SGMS1: variants seen among roughly 807,000 people sequenced by gnomAD.
The protein encoded by SGMS1 is sphingomyelin synthase 1, also known as phosphatidylcholine:ceramide cholinephosphotransferase 1.
Under a neutral mutation model 46.2 loss-of-function variants are expected in SGMS1, and 13 were observed. The ratio of observed to expected loss-of-function variants is 0.28; its 90% CI spans 0.18 to 0.45. The LOEUF (loss-of-function observed/expected upper bound fraction) is 0.45. Ranked by LOEUF, SGMS1 falls within the 20% of genes least tolerant of loss-of-function variation. The probability of loss-of-function intolerance (pLI) is 1.00; values close to 1 mark genes in which losing one functional copy is unlikely to be tolerated. For synonymous variants in SGMS1, 203 were observed against 187.8 expected (o/e 1.08, Z -0.66); for missense variants, 324 against 519.9 (o/e 0.62, Z 3.66).
At chr10:50,315,289 T>C (rs1847322196) in intron 8 of SGMS1, among the ~76,000 whole-genome samples, 1 of 152,194 alleles carries the variant, frequency 6.6e-6, no homozygotes, top group South Asian at 2.1e-4. Context: ...ATGTAACATA[T>C]TAAATGTTAA....
At chr10:50,592,260 T>G (rs995464883) in intron 1 of SGMS1, among the ~76,000 whole-genome samples, 1 of 152,134 alleles carries the variant, frequency 6.6e-6, no homozygotes, top group East Asian at 1.9e-4. Flanking sequence ...TGAGGGAAGG[T>G]TAAGTAAATG....
At chr10:50,326,719 T>C (rs1192103864) in intron 8 of SGMS1, among the ~76,000 whole-genome samples, 1 of 152,122 alleles carries the variant, frequency 6.6e-6, no homozygotes, top group South Asian at 2.1e-4. Flanking sequence ...TCTTTGTTAC[T>C]AGAGAAAATC....
intron 9 of SGMS1, among the ~76,000 whole-genome samples, chr10:50,309,684 G>C (rs184126569): frequency 1.1e-3 from 164 of 152,246 alleles, no homozygotes; most frequent in Middle Eastern, 3.4e-3. Flanking sequence ...ATCTGCTCAC[G>C]TACTAAGTAT....
At position 50,343,587 on chromosome 10, in the gene SGMS1, A is replaced by G. The variant is rs1479270105; in HGVS notation, c.528T>C (p.His176=). The change falls in exon 7 of 11, where the codon CAT becomes CAC. Residue 176 remains histidine, a synonymous_variant. Coordinates refer to ENST00000361781, the MANE Select transcript of SGMS1 (RefSeq NM_147156.4). ...QPPLPDTFFD[H]FNRVQWAFSI... The stretch of plus-strand genomic sequence containing the variant: ...AAAAGGCCCACTGCACCCGGTTAAA[A>G]TGGTCAAAAAATGTGTCCGGTAGTG... 2 of 1,614,032 alleles carry G rather than the reference A, an allele frequency of 1.2e-6. No homozygotes were observed. Among genetic ancestry groups the G allele is most frequent in the Non-Finnish European group, 1.7e-6 (2 of 1,180,040 alleles).
intron 2 of SGMS1, among the ~76,000 whole-genome samples, chr10:50,549,467 C>T (rs1029856771): frequency 6.6e-6 from 1 of 152,082 alleles, no homozygotes; most frequent in Non-Finnish European, 1.5e-5. Context: ...CACATGTTCT[C>T]ACTTATAAGT....
At chr10:50,596,707 C>G (rs1416370952) in intron 1 of SGMS1, among the ~76,000 whole-genome samples, 1 of 152,210 alleles carries the variant, frequency 6.6e-6, no homozygotes, top group Non-Finnish European at 1.5e-5. Flanking sequence ...TTGAAGAACA[C>G]AGAAGCAGCT....
rs1218526397 is a variant in SGMS1 at position 50,314,629 on chromosome 10, T to C, written c.742-3214A>G. Reference sequence around the variant, plus strand: ...AGTTCTATGTGCAAAAATATCCCACTGTAACACTAATCACAAAAGCAACAG... The same window carrying C: ...AGTTCTATGTGCAAAAATATCCCACCGTAACACTAATCACAAAAGCAACAG... On this transcript the variant is annotated intron_variant, in intron 8 of 10. Transcript: ENST00000361781. Among the ~76,000 whole-genome samples the C allele has an allele frequency of 3.9e-5, 6 of 152,326 alleles. No homozygotes were observed. The East Asian group carries it at 7.7e-4, about 20-fold the overall frequency.
chr10:50,611,104 C>T (rs12261261), intron 1 of SGMS1, among the ~76,000 whole-genome samples: 5,930 of 152,296 alleles, frequency 0.039, 396 homozygotes, highest in African/African-American at 0.13. Flanking sequence ...CTCGACAACA[C>T]ACGGCCAGAA....
chr10:50,416,024 C>A (rs1203415), intron 6 of SGMS1, among the ~76,000 whole-genome samples: 44,846 of 151,962 alleles, frequency 0.3, 6,846 homozygotes, highest in East Asian at 0.48. Context: ...TGTGCATTAA[C>A]GAGCTCATTA....
intron 2 of SGMS1, among the ~76,000 whole-genome samples, chr10:50,582,413 G>C (rs1838443020): frequency 6.6e-6 from 1 of 152,196 alleles, no homozygotes; most frequent in Non-Finnish European, 1.5e-5. Context: ...TCTATTTGCA[G>C]ACAGAACTGG....
chr10:50,342,846 C>A (rs562645421), intron 7 of SGMS1: 1 of 152,236 alleles, frequency 6.6e-6, no homozygotes, highest in Non-Finnish European at 1.5e-5. Flanking sequence ...ACACCTGGAA[C>A]TAAGTGGGAG....
intron 1 of SGMS1, among the ~76,000 whole-genome samples, chr10:50,598,087 C>T (rs1029583222): frequency 3.3e-5 from 5 of 151,920 alleles, no homozygotes; most frequent in African/African-American, 7.3e-5. Context: ...TCCCCCGCCC[C>T]GCCCCACAAA....
intron 6 of SGMS1, among the ~76,000 whole-genome samples, chr10:50,402,034 C>T (rs575348232): frequency 3.3e-5 from 5 of 152,198 alleles, no homozygotes; most frequent in Admixed American, 6.5e-5. Flanking sequence ...TTTTAAACAT[C>T]TTCATTTTGT....
chr10:50,359,096 G>C (rs1386133240), intron 6 of SGMS1, among the ~76,000 whole-genome samples: 2 of 152,146 alleles, frequency 1.3e-5, no homozygotes, highest in African/African-American at 4.8e-5. Context: ...CCTATGAAAT[G>C]GCCCCTTGAA....
At chr10:50,430,273 T>G (rs1272319145) in intron 6 of SGMS1, among the ~76,000 whole-genome samples, 1 of 152,076 alleles carries the variant, frequency 6.6e-6, no homozygotes, top group African/African-American at 2.4e-5. Context: ...ATATGCAACA[T>G]TATAGACTAC....
chr10:50,494,300 T>A (rs1170961404), intron 3 of SGMS1, among the ~76,000 whole-genome samples: 2 of 152,110 alleles, frequency 1.3e-5, no homozygotes, highest in Admixed American at 6.5e-5. Context: ...AAAATAAAAA[T>A]CATTCTATTA....
chr10:50,457,558 C>T (rs1837208054), intron 5 of SGMS1, among the ~76,000 whole-genome samples: 1 of 152,080 alleles, frequency 6.6e-6, no homozygotes, highest in Non-Finnish European at 1.5e-5. Context: ...GTTAGTCTTC[C>T]AATCCATGCC....
chr10:50,553,378 G>T (rs1838164548), intron 2 of SGMS1, among the ~76,000 whole-genome samples: 1 of 152,126 alleles, frequency 6.6e-6, no homozygotes, highest in South Asian at 2.1e-4. Flanking sequence ...TATTCATAGA[G>T]TTGCTCTGTG....
In SGMS1 at chr10:50,471,999, T is replaced by C. The variant is rs1018278391; in HGVS notation, c.-497-5067A>G. ...CCAGTAAAATCATATTATATTTGTGTTACCAATTAAATCAAATCATTCTTC... is the reference window on the plus strand; with the variant it reads ...CCAGTAAAATCATATTATATTTGTGCTACCAATTAAATCAAATCATTCTTC... On this transcript the variant is annotated intron_variant, in intron 3 of 10. Coordinates refer to ENST00000361781, the MANE Select transcript of SGMS1 (RefSeq NM_147156.4). Among the ~76,000 whole-genome samples the C allele has an allele frequency of 2.6e-5, 4 of 152,242 alleles. No individual in the cohort carries two copies. The East Asian group carries it at 5.8e-4, about 22-fold the overall frequency.
Sources: gnomAD v4.1 joint callset for allele counts (sites outside exome capture counted in the v4.1 genomes callset) on GRCh38, gnomAD v4.1.1 for gene constraint, MANE v1.5 for transcripts, NCBI Gene and HGNC (gene_info 2026-07-23, HGNC 2026-07-21) for gene names.